Variants in GALNT7 observed in about 807,000 individuals in gnomAD.
GALNT7 encodes polypeptide N-acetylgalactosaminyltransferase 7.
In GALNT7, 60 loss-of-function variants were observed where a neutral mutation model predicts 82.1. The observed-to-expected ratio is 0.73, with a 90% CI of 0.59 to 0.91. The LOEUF is 0.91. Among genes scored for constraint, GALNT7 ranks in the 40% least tolerant of loss-of-function variants. GALNT7 has a pLI of 0.00. For missense variants in GALNT7, 660 were observed against 804.2 expected, an observed-to-expected ratio of 0.82 and a Z score of 2.17; for synonymous variants, 243 against 275.1, an observed-to-expected ratio of 0.88 and a Z score of 1.15.
intron 1 of GALNT7, among the ~76,000 whole-genome samples, chr4:173,182,144 G>T (rs1226066184): frequency 6.6e-6 from 1 of 152,138 alleles, no homozygotes; most frequent in Non-Finnish European, 1.5e-5. Context: ...ATTCTTATTT[G>T]CAACTACTTC....
chr4:173,236,251 G>A lies in GALNT7; in HGVS notation c.127-11729G>A, dbSNP rs557246153. Among the ~76,000 whole-genome samples, 6 of 152,156 alleles carry A rather than the reference G, an allele frequency of 3.9e-5. No homozygotes were observed. The South Asian group carries it at 1.0e-3, about 26-fold the overall frequency. ...GTTGTCTATCAGAGAGCTGGCGAGC[G>A]AGCCCCACTGCAGCACTGCCATTAC... On this transcript the variant is annotated intron_variant, in intron 1 of 11. Coordinates refer to ENST00000265000, the MANE Select transcript of GALNT7 (RefSeq NM_017423.3).
Position 173,313,945 on chromosome 4 carries a change from T to TATATA in GALNT7, c.1390-13_1390-12insATATA. ...TTTATAACGATATATATATATATAT[T>TATATA]TTTTTTTTACAGAATTATGTTAGAG... On this transcript the variant is annotated splice_polypyrimidine_tract_variant and intron_variant, in intron 8 of 11. Coordinates refer to ENST00000265000, the MANE Select transcript of GALNT7 (RefSeq NM_017423.3). 1.8e-6 allele frequency: 2 copies of TATATA among 1,121,482 alleles called. No individual in the cohort carries two copies. The highest frequency in any genetic ancestry group is 2.6e-6 in the Non-Finnish European group (2 of 774,206). The allele number at this position is 1,121,482 out of a possible 1,614,324, so 69.5% of individuals were successfully genotyped here.
intron 1 of GALNT7, among the ~76,000 whole-genome samples, chr4:173,241,915 T>G (rs1162394608): frequency 6.6e-6 from 1 of 152,160 alleles, no homozygotes; most frequent in Non-Finnish European, 1.5e-5. Flanking sequence ...TAACTGCAGT[T>G]ACCATAGTAT....
chr4:173,256,381 T>A (rs1464292577), intron 2 of GALNT7, among the ~76,000 whole-genome samples: 1 of 152,216 alleles, frequency 6.6e-6, no homozygotes, highest in Non-Finnish European at 1.5e-5. Context: ...GGGTTTTAAG[T>A]TTGCAAAGGA....
chr4:173,292,155 T>C lies in GALNT7; in HGVS notation c.635T>C (p.Val212Ala), dbSNP rs1736565773. ...GAAAACTTGCTCACTTCGAGCGTTGTCATTGTCTTCCATAATGAAGGATGG... is the reference window on the plus strand; with the variant it reads ...GAAAACTTGCTCACTTCGAGCGTTGCCATTGTCTTCCATAATGAAGGATGG... Reference protein sequence around the residue: ...YDENLLTSSVVIVFHNEGWST... With the variant: ...YDENLLTSSVAIVFHNEGWST... The change falls in exon 3 of 12, where the codon GTC (valine) becomes GCC (alanine). Residue 212 changes from valine (V) to alanine (A), a missense_variant. By Grantham distance (64) the Val-to-Ala change is moderately conservative. Around this residue, in one of 2 missense-constraint regions of GALNT7, gnomAD observed 527 missense variants for 683.5 expected, o/e 0.77. Transcript: ENST00000265000. This position sits in a 1 kb window ranked among gnomAD's most constrained non-coding sequence, Gnocchi z 4.8. The C allele has an allele frequency of 6.2e-7, 1 of 1,609,778 alleles. No individual in the cohort carries two copies. Among genetic ancestry groups the C allele is most frequent in the Non-Finnish European group, 8.5e-7 (1 of 1,177,362 alleles).
intron 8 of GALNT7, among the ~76,000 whole-genome samples, chr4:173,312,635 G>A (rs1383653688): frequency 6.6e-6 from 1 of 152,214 alleles, no homozygotes; most frequent in African/African-American, 2.4e-5. Flanking sequence ...TATCACTCAA[G>A]TGTGTACCAA....
At chr4:173,266,511 T>C (rs375895930) in intron 2 of GALNT7, among the ~76,000 whole-genome samples, 1 of 152,192 alleles carries the variant, frequency 6.6e-6, no homozygotes, top group African/African-American at 2.4e-5. Flanking sequence ...TGTAGTATTT[T>C]TGATACATTT....
At chr4:173,303,393 C>T (rs951061243) in intron 7 of GALNT7, among the ~76,000 whole-genome samples, 1 of 151,998 alleles carries the variant, frequency 6.6e-6, no homozygotes, top group Non-Finnish European at 1.5e-5. Context: ...CAGAATCAAG[C>T]AACATGAATA....
chr4:173,208,322 TC>T (rs1410059193), intron 1 of GALNT7, among the ~76,000 whole-genome samples: 18 of 152,226 alleles, frequency 1.2e-4, no homozygotes, highest in Non-Finnish European at 2.6e-4. Context: ...TCTATGCACT[TC>T]TTGATAGAAA....
rs79648213 is a variant in GALNT7 at position 173,245,395 on chromosome 4, T to C, written c.127-2585T>C. Among the ~76,000 whole-genome samples the C allele has an allele frequency of 2.2e-3, 341 of 152,346 alleles. 2 individuals carry two copies. The highest frequency in any genetic ancestry group is 7.9e-3 in the African/African-American group (329 of 41,578). Reference sequence around the variant, plus strand: ...CAATTTGATTTCATGTACTATCATATTCTATATTCTTCTAATATTCAATTT... The same window carrying C: ...CAATTTGATTTCATGTACTATCATACTCTATATTCTTCTAATATTCAATTT... On this transcript the variant is annotated intron_variant, in intron 1 of 11. Coordinates refer to ENST00000265000, the MANE Select transcript of GALNT7 (RefSeq NM_017423.3).
chr4:173,297,449 T>G (rs981162023), intron 5 of GALNT7, among the ~76,000 whole-genome samples: 1 of 152,030 alleles, frequency 6.6e-6, no homozygotes, highest in Non-Finnish European at 1.5e-5. Context: ...TTTTCATGGG[T>G]GATAGGGAAA....
intron 1 of GALNT7, among the ~76,000 whole-genome samples, chr4:173,209,672 C>G (rs1733208286): frequency 6.6e-6 from 1 of 152,222 alleles, no homozygotes; most frequent in African/African-American, 2.4e-5. Flanking sequence ...ATCACTGCCT[C>G]CCTCAGGAAT....
intron 1 of GALNT7, among the ~76,000 whole-genome samples, chr4:173,214,485 AAG>A (rs1733379882): frequency 6.6e-6 from 1 of 152,214 alleles, no homozygotes. Flanking sequence ...TTCCAAGAGA[AAG>A]AGCAAGATCT....
chr4:173,255,215 C>G (rs995750697), intron 2 of GALNT7, among the ~76,000 whole-genome samples: 1 of 152,146 alleles, frequency 6.6e-6, no homozygotes, highest in Non-Finnish European at 1.5e-5. Flanking sequence ...TTGAATCCCT[C>G]TCTCCCTGAA....
At position 173,196,847 on chromosome 4, in the gene GALNT7, C is replaced by G. The variant is rs1732793901; in HGVS notation, c.126+27886C>G. ...GTTGTCATGAAAACAGGTTTGATGA[C>G]TATAGTGTAATAGTGTAATAAGGGC... On this transcript the variant is annotated intron_variant, in intron 1 of 11. Coordinates refer to ENST00000265000, the MANE Select transcript of GALNT7 (RefSeq NM_017423.3). Among the ~76,000 whole-genome samples the G allele has an allele frequency of 2.0e-5, 3 of 152,114 alleles. No individual in the cohort carries two copies. In the South Asian group the frequency reaches 6.2e-4, roughly 32 times the overall value.
chr4:173,248,086 T>C lies in GALNT7; in HGVS notation c.233T>C (p.Val78Ala), dbSNP rs750313612. The change falls in exon 2 of 12, where the codon GTA becomes GCA. Residue 78 changes from valine (V) to alanine (A), a missense_variant. Val to Ala is a moderately conservative substitution (Grantham distance 64, BLOSUM62 0). Transcript: ENST00000265000. ...PVVPWPHVEG[V>A]EVDLESIRRI... ...GTACCATGGCCTCATGTTGAAGGAG[T>C]AGAAGTGGACTTAGAGTCTATTAGA... is the stretch of plus-strand genomic sequence containing the variant. 1.2e-6 allele frequency: 2 copies of C among 1,612,730 alleles called. No homozygotes were observed. The highest frequency in any genetic ancestry group is 2.2e-5 in the East Asian group (1 of 44,826).
intron 1 of GALNT7, among the ~76,000 whole-genome samples, chr4:173,182,401 T>C (rs1377062940): frequency 6.6e-6 from 1 of 152,204 alleles, no homozygotes; most frequent in Non-Finnish European, 1.5e-5. Flanking sequence ...TTTAATTCTT[T>C]TTAAAAATAA....
chr4:173,265,846 C>T (rs1341039423), intron 2 of GALNT7, among the ~76,000 whole-genome samples: 1 of 152,004 alleles, frequency 6.6e-6, no homozygotes, highest in Non-Finnish European at 1.5e-5. Context: ...AACTGCTTAT[C>T]AGAATGGATG....
chr4:173,212,688 G>A (rs1026001716), intron 1 of GALNT7, among the ~76,000 whole-genome samples: 3 of 151,070 alleles, frequency 2.0e-5, no homozygotes, highest in Admixed American at 1.3e-4. Context: ...ATCATGTTAA[G>A]GTATAGTGAT....
Sources: gnomAD v4.1 joint callset for allele counts (sites outside exome capture counted in the v4.1 genomes callset) on GRCh38, gnomAD v4.1.1 for gene constraint, gnomAD v4.1.1 regional missense constraint, Gnocchi (gnomAD v3.1) non-coding constraint, MANE v1.5 for transcripts, NCBI Gene and HGNC (gene_info 2026-07-23, HGNC 2026-07-21) for gene names.